The following DPY19L1 variants were observed in gnomAD, a reference collection of about 807,000 sequenced individuals.
The protein encoded by DPY19L1 is protein C-mannosyl-transferase DPY19L1.
Under a neutral mutation model 96.9 loss-of-function variants are expected in DPY19L1, and 35 were observed. The ratio of observed to expected loss-of-function variants is 0.36; its 90% CI spans 0.28 to 0.48. The LOEUF (loss-of-function observed/expected upper bound fraction) is 0.48. DPY19L1 is among the 20% of genes least tolerant of loss of function. The pLI, the probability that DPY19L1 is intolerant of heterozygous loss-of-function variation, is 0.99. For missense variants in DPY19L1, 521 were observed against 777.9 expected, an observed-to-expected ratio of 0.67 and a Z score of 3.93; for synonymous variants, 205 against 252.6, an observed-to-expected ratio of 0.81 and a Z score of 1.79.
At chr7:34,946,769 C>T (rs1258699306) in intron 15 of DPY19L1, among the ~76,000 whole-genome samples, 1 of 152,160 alleles carries the variant, frequency 6.6e-6, no homozygotes, top group Non-Finnish European at 1.5e-5. Context: ...GGACATGATG[C>T]GAGGCTCCTA....
intron 18 of DPY19L1, among the ~76,000 whole-genome samples, chr7:34,941,185 G>A (rs771556345): frequency 3.3e-5 from 5 of 152,148 alleles, no homozygotes; most frequent in Non-Finnish European, 5.9e-5. Flanking sequence ...ACGTCTAAGG[G>A]AGGTGCTGCT....
intron 7 of DPY19L1, among the ~76,000 whole-genome samples, chr7:34,977,134 A>G (rs1390406259): frequency 6.6e-6 from 1 of 152,202 alleles, no homozygotes; most frequent in East Asian, 1.9e-4. Flanking sequence ...TTAATAGACT[A>G]TAGTACAGTG....
intron 1 of DPY19L1, among the ~76,000 whole-genome samples, chr7:35,024,898 T>C (rs1786085921): frequency 6.6e-6 from 1 of 152,212 alleles, no homozygotes; most frequent in Non-Finnish European, 1.5e-5. Flanking sequence ...CCTAGTATCA[T>C]GCCTGGCACT....
At chr7:35,030,600 A>G (rs1396869418) in intron 1 of DPY19L1, among the ~76,000 whole-genome samples, 1 of 152,212 alleles carries the variant, frequency 6.6e-6, no homozygotes, top group African/African-American at 2.4e-5. Flanking sequence ...GCTGAAAAAC[A>G]CACCTGACAA....
intron 6 of DPY19L1, among the ~76,000 whole-genome samples, chr7:34,993,405 C>G (rs1469343448): frequency 6.6e-6 from 1 of 151,430 alleles, no homozygotes; most frequent in Admixed American, 6.6e-5. Flanking sequence ...CAATGCTAGA[C>G]TCTGTTCTAT....
chr7:34,940,085 G>A, intron 19 of DPY19L1, 68 bp downstream of exon 19: 1 of 1,353,458 alleles, frequency 7.4e-7, no homozygotes, highest in Non-Finnish European at 9.7e-7. Context: ...AGAGTTTGCA[G>A]TGGTATATAA....
intron 6 of DPY19L1, among the ~76,000 whole-genome samples, chr7:35,008,225 T>C (rs1785611496): frequency 6.6e-6 from 1 of 152,184 alleles, no homozygotes; most frequent in African/African-American, 2.4e-5. Flanking sequence ...CTGTCTATCT[T>C]CCATTCACAC....
intron 3 of DPY19L1, 72 bp from the exon 4 acceptor site, chr7:35,013,777 C>A: frequency 7.9e-7 from 1 of 1,263,176 alleles, no homozygotes; most frequent in East Asian, 2.5e-5. Context: ...AGTAAATACA[C>A]TGTTTTTGAA....
chr7:34,962,158 T>C (rs1174216672), intron 10 of DPY19L1, among the ~76,000 whole-genome samples: 1 of 152,224 alleles, frequency 6.6e-6, no homozygotes, highest in Non-Finnish European at 1.5e-5. Flanking sequence ...TTACGGCAGC[T>C]TTATTCATAA....
chr7:34,969,421 T>C lies in DPY19L1; in HGVS notation c.1014+12A>G, dbSNP rs762341589. 27 of 1,436,574 alleles carry C rather than the reference T, an allele frequency of 1.9e-5. No homozygotes were observed. Among genetic ancestry groups the C allele is most frequent in the Admixed American group, 5.1e-5 (2 of 39,496 alleles). The allele number at this position is 1,436,574 out of a possible 1,614,324, so 89.0% of individuals were successfully genotyped here. A position where few individuals can be genotyped will look rare whatever the true frequency, so the allele number is the denominator to read the frequency against. On this transcript the variant is annotated intron_variant, in intron 9 of 21. Coordinates refer to ENST00000638088, the MANE Select transcript of DPY19L1 (RefSeq NM_001366673.1). Reference sequence around the variant, plus strand: ...GCTAAGCTTAAAACAGCTTAAAATATAATCACCTCACCTGAGTAAGAAGTA... The same window carrying C: ...GCTAAGCTTAAAACAGCTTAAAATACAATCACCTCACCTGAGTAAGAAGTA...
chr7:34,967,409 A>G (rs1180023647), intron 9 of DPY19L1, among the ~76,000 whole-genome samples: 1 of 152,208 alleles, frequency 6.6e-6, no homozygotes, highest in Non-Finnish European at 1.5e-5. Context: ...TCTGCTTGCT[A>G]GTCACTCTTT....
At chr7:34,955,649 G>C (rs1218103993) in intron 11 of DPY19L1, among the ~76,000 whole-genome samples, 2 of 152,256 alleles carry the variant, frequency 1.3e-5, no homozygotes, top group East Asian at 3.9e-4. Context: ...ATTTATCTCT[G>C]AGCCATGAGG....
chr7:34,932,135 T>C (rs1016842654), intron 21 of DPY19L1, among the ~76,000 whole-genome samples: 2 of 152,204 alleles, frequency 1.3e-5, no homozygotes, highest in African/African-American at 4.8e-5. Flanking sequence ...AGACCAGGTA[T>C]CTAGCACCAT....
chr7:35,037,753 A>G (rs1786480036), upstream of DPY19L1: 5 of 1,056,944 alleles, frequency 4.7e-6, no homozygotes, highest in South Asian at 4.6e-5. Flanking sequence ...CAGGCCGGCC[A>G]GCGCGCACGC....
rs1403344188 is a variant in DPY19L1 at position 34,934,424 on chromosome 7, C to T, written c.2091-2695G>A. 2.6e-5 allele frequency among the ~76,000 whole-genome samples: 4 copies of T among 152,168 alleles called. No homozygotes were observed. In the East Asian group the frequency reaches 7.7e-4, roughly 29 times the overall value. Reference sequence around the variant, plus strand: ...AGATCTATTCTACTGTTTTTAAAAGCTGCTAGTTCTCATATGTACTATTTA... The same window carrying T: ...AGATCTATTCTACTGTTTTTAAAAGTTGCTAGTTCTCATATGTACTATTTA... On this transcript the variant is annotated intron_variant, in intron 21 of 21. Coordinates refer to ENST00000638088, the MANE Select transcript of DPY19L1 (RefSeq NM_001366673.1).
intron 9 of DPY19L1, among the ~76,000 whole-genome samples, chr7:34,967,661 T>C (rs2128667291): frequency 6.6e-6 from 1 of 152,284 alleles, no homozygotes; most frequent in East Asian, 1.9e-4. Flanking sequence ...TAGCAGACAA[T>C]GCCTCTACAC....
At position 34,983,675 on chromosome 7, in the gene DPY19L1, G is replaced by GA. The variant is rs35027962; in HGVS notation, c.822+6208dup. The stretch of plus-strand genomic sequence containing the variant: ...AAATACCCAAAGGGAGGAATAGAGA[G>GA]AAAAAAAAAAATGGGAGAAAAAGGA... On this transcript the variant is annotated intron_variant, in intron 7 of 21. Coordinates refer to ENST00000638088, the MANE Select transcript of DPY19L1 (RefSeq NM_001366673.1). Among the ~76,000 whole-genome samples, 384 of 146,470 alleles carry GA rather than the reference G, an allele frequency of 2.6e-3. 1 individual carries two copies. The highest frequency in any genetic ancestry group is 8.3e-3 in the African/African-American group (331 of 39,812).
chr7:35,008,735 G>T (rs1424644088), intron 6 of DPY19L1, among the ~76,000 whole-genome samples: 1 of 152,130 alleles, frequency 6.6e-6, no homozygotes, highest in Non-Finnish European at 1.5e-5. Context: ...CATAAGTGCA[G>T]ATTAGCAGCT....
chr7:35,003,661 C>A (rs1475215892), intron 6 of DPY19L1, among the ~76,000 whole-genome samples: 1 of 152,236 alleles, frequency 6.6e-6, no homozygotes, highest in East Asian at 1.9e-4. Flanking sequence ...CTGAGTCCTA[C>A]ATTTATCCCA....
Sources: allele counts gnomAD v4.1 joint callset (sites outside exome capture counted in the v4.1 genomes callset), GRCh38; gene constraint gnomAD v4.1.1; transcripts MANE v1.5; gene names NCBI Gene and HGNC (gene_info 2026-07-23, HGNC 2026-07-21).